NUSAP1: variants seen among roughly 807,000 people sequenced by gnomAD.
The protein encoded by NUSAP1 is nucleolar and spindle associated protein 1.
In NUSAP1, 32 loss-of-function variants were observed where a neutral mutation model predicts 52.8. That is an observed-to-expected ratio of 0.61 (90% CI 0.46 to 0.81). NUSAP1 has a LOEUF of 0.81. Ranked by LOEUF, NUSAP1 falls within the 40% of genes least tolerant of loss-of-function variation. NUSAP1 has a pLI of 0.00. For synonymous variants in NUSAP1, 195 were observed against 183.1 expected, an observed-to-expected ratio of 1.06 and a Z score of -0.52; for missense variants, 499 against 522.3, an observed-to-expected ratio of 0.96 and a Z score of 0.43.
At chr15:41,361,185 G>C (rs184523835) in intron 6 of NUSAP1, among the ~76,000 whole-genome samples, 1 of 151,930 alleles carries the variant, frequency 6.6e-6, no homozygotes, top group Non-Finnish European at 1.5e-5. Context: ...CCTGAGGTCA[G>C]GGGTTTGAGA....
At chr15:41,344,894 T>C (rs530254374) in intron 2 of NUSAP1, among the ~76,000 whole-genome samples, 12 of 152,094 alleles carry the variant, frequency 7.9e-5, no homozygotes, top group Non-Finnish European at 1.3e-4. Context: ...TGAGCCAAGA[T>C]TACGCCGCTG....
chr15:41,363,429 C>G (rs1221894661), intron 6 of NUSAP1, among the ~76,000 whole-genome samples: 1 of 151,488 alleles, frequency 6.6e-6, no homozygotes, highest in Non-Finnish European at 1.5e-5. Flanking sequence ...GGTGGTAATT[C>G]AATGGTGCAG....
At chr15:41,347,746 G>A (rs1002443199) in intron 2 of NUSAP1, among the ~76,000 whole-genome samples, 34 of 151,558 alleles carry the variant, frequency 2.2e-4, no homozygotes, top group Admixed American at 2.0e-4. Flanking sequence ...CCCAGGAGGT[G>A]GAGCTTGCAG....
intron 1 of NUSAP1, among the ~76,000 whole-genome samples, chr15:41,334,471 A>G (rs1045005213): frequency 6.6e-6 from 1 of 152,148 alleles, no homozygotes; most frequent in Non-Finnish European, 1.5e-5. Context: ...CTGAATGACC[A>G]AAGGGTTTTC....
intron 1 of NUSAP1, among the ~76,000 whole-genome samples, chr15:41,339,584 A>G (rs1255526852): frequency 6.6e-6 from 1 of 150,410 alleles, no homozygotes; most frequent in African/African-American, 2.4e-5. Context: ...CTAATTTTGT[A>G]TTTTTAGTAG....
intron 2 of NUSAP1, 59 bp downstream of exon 2, chr15:41,342,513 G>T: frequency 3.2e-6 from 4 of 1,244,902 alleles, no homozygotes; most frequent in South Asian, 1.3e-5. Context: ...TTTGGTTAAT[G>T]GGCAATTAAC....
chr15:41,345,864 G>A (rs557648492), intron 2 of NUSAP1, among the ~76,000 whole-genome samples: 2 of 152,160 alleles, frequency 1.3e-5, no homozygotes, highest in Middle Eastern at 6.8e-3. Flanking sequence ...CAAGTTCAAA[G>A]GTCCATCTGG....
At chr15:41,359,625 T>C (rs1021006202) in intron 6 of NUSAP1, among the ~76,000 whole-genome samples, 5 of 149,520 alleles carry the variant, frequency 3.3e-5, no homozygotes, top group Admixed American at 3.3e-4. Context: ...CCATTTTTTT[T>C]CTTTTCTTTT....
intron 7 of NUSAP1, among the ~76,000 whole-genome samples, chr15:41,366,027 A>G (rs1158555664): frequency 6.6e-6 from 1 of 151,040 alleles, no homozygotes; most frequent in African/African-American, 2.4e-5. Flanking sequence ...GCCCATAGTG[A>G]TGTTTCAATA....
rs187207613 is a variant in NUSAP1 at position 41,380,114 on chromosome 15, C to A, written c.1254C>A (p.Arg418=). ...TCAGGGAAGAGCAACGGAAGAAACG[C>A]GAGCAAGAACGAAAGGAGAAGAAAG... ...LQTKEEQRKK[R]EQERKEKKAK... The change falls in exon 11 of 11, where the codon CGC becomes CGA. Residue 418 remains arginine (R), a synonymous_variant. Transcript: ENST00000559596. The A allele has an allele frequency of 3.2e-6, 5 of 1,586,164 alleles. No homozygotes were observed. In the South Asian group the frequency reaches 5.8e-5, roughly 18 times the overall value.
chr15:41,357,981 C>T (rs1416173300), intron 5 of NUSAP1, among the ~76,000 whole-genome samples, 168 bp from the exon 6 acceptor site: 1 of 151,800 alleles, frequency 6.6e-6, no homozygotes, highest in Admixed American at 6.6e-5. Context: ...GTGCTTTGCC[C>T]CTGAGTTTCC....
chr15:41,348,938 A>T (rs1274325788), intron 2 of NUSAP1, among the ~76,000 whole-genome samples, 160 bp from the exon 3 acceptor site: 1 of 152,004 alleles, frequency 6.6e-6, no homozygotes, highest in Non-Finnish European at 1.5e-5. Flanking sequence ...TGGCCTAAAT[A>T]CTCTATAATT....
intron 1 of NUSAP1, among the ~76,000 whole-genome samples, chr15:41,336,658 T>C (rs1041789994): frequency 3.4e-5 from 5 of 147,704 alleles, no homozygotes; most frequent in Non-Finnish European, 7.4e-5. Context: ...GTTTTTTTTT[T>C]TTTTTTTTTT....
chr15:41,370,627 G>C (rs774977630), intron 7 of NUSAP1, among the ~76,000 whole-genome samples: 1 of 150,842 alleles, frequency 6.6e-6, no homozygotes, highest in African/African-American at 2.4e-5. Flanking sequence ...GCGCATGCCT[G>C]TAATCATAGC....
In NUSAP1 at chr15:41,361,814, A is replaced by G. The variant is rs112416141; in HGVS notation, c.660+3556A>G. Among the ~76,000 whole-genome samples, 878 of 152,256 alleles carry G rather than the reference A, an allele frequency of 5.8e-3. 13 individuals are homozygous for G. The highest frequency in any genetic ancestry group is 0.019 in the African/African-American group (809 of 41,550). ...AATGTTTAAGGAACTGGCCTATCAG[A>G]TATATAACTTGGTATGATCTCTTTG... On this transcript the variant is annotated intron_variant, in intron 6 of 10. Transcript: ENST00000559596.
chr15:41,350,495 G>C (rs553458851), intron 3 of NUSAP1, among the ~76,000 whole-genome samples: 5 of 151,986 alleles, frequency 3.3e-5, no homozygotes, highest in Non-Finnish European at 7.4e-5. Context: ...CAGGGGTCGG[G>C]GGGAGGGTGG....
chr15:41,369,655 AAAG>A (rs950423316), intron 7 of NUSAP1, among the ~76,000 whole-genome samples: 3 of 151,996 alleles, frequency 2.0e-5, no homozygotes, highest in East Asian at 1.9e-4. Flanking sequence ...TCTAAAAAAA[AAAG>A]AACACCATGG....
At chr15:41,368,617 C>G (rs2049518435) in intron 7 of NUSAP1, among the ~76,000 whole-genome samples, 1 of 151,702 alleles carries the variant, frequency 6.6e-6, no homozygotes, top group Non-Finnish European at 1.5e-5. Context: ...AATATCAAAA[C>G]TTTATTTTCT....
At chr15:41,379,839 G>A (rs10152497) in intron 10 of NUSAP1, among the ~76,000 whole-genome samples, 13,267 of 152,140 alleles carry the variant, frequency 0.087, 728 homozygotes, top group African/African-American at 0.16. Context: ...GAGCCATCGC[G>A]CCCCGGCCTC....
Sources: allele counts gnomAD v4.1 joint callset (sites outside exome capture counted in the v4.1 genomes callset), GRCh38; gene constraint gnomAD v4.1.1; transcripts MANE v1.5; gene names NCBI Gene and HGNC (gene_info 2026-07-23, HGNC 2026-07-21).